CSMD1: variants seen among roughly 807,000 people sequenced by gnomAD.
CSMD1 encodes the protein CUB and sushi domain-containing protein 1.
Under a neutral mutation model 417.5 loss-of-function variants are expected in CSMD1, and 213 were observed. The observed-to-expected ratio is 0.51, with a 90% confidence interval of 0.46 to 0.57. The LOEUF is 0.57. Among genes scored for constraint, CSMD1 ranks in the 20% least tolerant of loss-of-function variants. The pLI, the probability that CSMD1 is intolerant of heterozygous loss-of-function variation, is 0.00. For missense variants in CSMD1, 6,923 were observed against 4,529.7 expected, an observed-to-expected ratio of 1.53 and a Z score of -15.17; for synonymous variants, 2,862 against 1,736.8, an observed-to-expected ratio of 1.65 and a Z score of -16.11.
chr8:4,802,905 CA>C (rs1798382817), intron 1 of CSMD1, among the ~76,000 whole-genome samples: 1 of 152,180 alleles, frequency 6.6e-6, no homozygotes, highest in Non-Finnish European at 1.5e-5. Flanking sequence ...AATCGTGTGA[CA>C]TTAACCACTG....
At chr8:3,223,921 C>T in intron 27 of CSMD1, 54 bp from the exon 28 acceptor site, 3 of 1,585,532 alleles carry the variant, frequency 1.9e-6, no homozygotes, top group African/African-American at 1.3e-5. Context: ...AGAACGCCTG[C>T]CAGTCAGTGT....
intron 26 of CSMD1, among the ~76,000 whole-genome samples, chr8:3,232,135 A>G (rs1798878672): frequency 6.6e-6 from 1 of 152,066 alleles, no homozygotes; most frequent in Non-Finnish European, 1.5e-5. Context: ...TCCCCATATC[A>G]CCTTCTTCCT....
At chr8:4,288,846 G>C (rs534288865) in intron 3 of CSMD1, among the ~76,000 whole-genome samples, 36 of 152,206 alleles carry the variant, frequency 2.4e-4, no homozygotes, top group African/African-American at 7.7e-4. Flanking sequence ...ACTAATATAG[G>C]ATACCAGTAT....
intron 3 of CSMD1, among the ~76,000 whole-genome samples, chr8:4,097,460 T>G: frequency 6.6e-6 from 1 of 152,190 alleles, no homozygotes; most frequent in East Asian, 1.9e-4. Context: ...TAAAGGGGGT[T>G]GTAATAATTT....
intron 8 of CSMD1, among the ~76,000 whole-genome samples, chr8:3,613,702 A>AACACACACACACAC (rs61391436): frequency 6.9e-6 from 1 of 144,788 alleles, no homozygotes; most frequent in Non-Finnish European, 1.5e-5. Flanking sequence ...GTCAGATTAA[A>AACACACACACACAC]ACACACACAC....
At chr8:4,101,411 G>A (rs748797719) in intron 3 of CSMD1, among the ~76,000 whole-genome samples, 1 of 152,062 alleles carries the variant, frequency 6.6e-6, no homozygotes, top group Admixed American at 6.6e-5. Flanking sequence ...GGTTGGGCAG[G>A]TGAATATTTT....
At chr8:3,960,365 A>T (rs1313447231) in intron 5 of CSMD1, among the ~76,000 whole-genome samples, 2 of 152,168 alleles carry the variant, frequency 1.3e-5, no homozygotes, top group Non-Finnish European at 2.9e-5. Flanking sequence ...TCATCACGCT[A>T]CTACTTAAAA....
intron 46 of CSMD1, among the ~76,000 whole-genome samples, chr8:3,101,916 C>G (rs1211329458): frequency 6.6e-6 from 1 of 151,564 alleles, no homozygotes; most frequent in Non-Finnish European, 1.5e-5. Context: ...ATTCTCCAGC[C>G]TCAGCCTCCA....
At chr8:3,017,201 C>G (rs116355593) in intron 52 of CSMD1, among the ~76,000 whole-genome samples, 1 of 152,150 alleles carries the variant, frequency 6.6e-6, no homozygotes, top group Non-Finnish European at 1.5e-5. Context: ...TCTCGGACCA[C>G]CTAGCTCCCT....
At chr8:3,485,660 T>A (rs535707365) in intron 11 of CSMD1, among the ~76,000 whole-genome samples, 3 of 151,940 alleles carry the variant, frequency 2.0e-5, no homozygotes, top group East Asian at 1.9e-4. Flanking sequence ...CTCCTGAGAC[T>A]GAGGCATGAG....
At chr8:4,124,090 G>GA (rs561609377) in intron 3 of CSMD1, among the ~76,000 whole-genome samples, 14 of 150,710 alleles carry the variant, frequency 9.3e-5, no homozygotes, top group African/African-American at 2.4e-4. Context: ...GAACAACGAA[G>GA]AAAAAAAAGA....
At chr8:4,748,706 G>A (rs760369396) in intron 1 of CSMD1, among the ~76,000 whole-genome samples, 2 of 152,172 alleles carry the variant, frequency 1.3e-5, no homozygotes, top group Non-Finnish European at 2.9e-5. Context: ...CCACACCTGA[G>A]TTGCAGATAT....
At chr8:4,438,226 C>T (rs974417112) in intron 2 of CSMD1, among the ~76,000 whole-genome samples, 1 of 152,150 alleles carries the variant, frequency 6.6e-6, no homozygotes, top group Non-Finnish European at 1.5e-5. Context: ...GAAATAATCT[C>T]AACCCAAGCC....
intron 3 of CSMD1, among the ~76,000 whole-genome samples, chr8:4,089,879 G>A (rs1477445497): frequency 2.0e-5 from 3 of 152,108 alleles, no homozygotes; most frequent in African/African-American, 7.2e-5. Context: ...AGAAGTACCT[G>A]CAGAGCTGTG....
intron 3 of CSMD1, among the ~76,000 whole-genome samples, chr8:4,053,973 T>C (rs1397574456): frequency 6.6e-6 from 1 of 152,146 alleles, no homozygotes; most frequent in Non-Finnish European, 1.5e-5. Flanking sequence ...CATTCAAAAG[T>C]ATATAAGGAA....
intron 2 of CSMD1, among the ~76,000 whole-genome samples, chr8:4,561,985 T>C (rs530760011): frequency 6.6e-6 from 1 of 152,208 alleles, no homozygotes; most frequent in African/African-American, 2.4e-5. Flanking sequence ...CGAAGAGAGT[T>C]AAGGAAGCTT....
chr8:3,608,081 A>G (rs1379887455), intron 8 of CSMD1, among the ~76,000 whole-genome samples: 1 of 151,500 alleles, frequency 6.6e-6, no homozygotes, highest in East Asian at 2.0e-4. Flanking sequence ...CTGAGGCCGG[A>G]GAATTGTTTG....
intron 34 of CSMD1, among the ~76,000 whole-genome samples, chr8:3,189,375 C>G (rs1390513051): frequency 6.6e-6 from 1 of 152,148 alleles, no homozygotes; most frequent in Non-Finnish European, 1.5e-5. Context: ...ACATGCATCT[C>G]CAAATGATAT....
chr8:4,485,285 G>A (rs1179817911), intron 2 of CSMD1, among the ~76,000 whole-genome samples: 4 of 152,146 alleles, frequency 2.6e-5, no homozygotes, highest in Non-Finnish European at 5.9e-5. Context: ...CCTGTCAGCT[G>A]AGAACATTTA....
Sources: allele counts gnomAD v4.1 joint callset (sites outside exome capture counted in the v4.1 genomes callset), GRCh38; gene constraint gnomAD v4.1.1; transcripts MANE v1.5; gene names NCBI Gene and HGNC (gene_info 2026-07-23, HGNC 2026-07-21).